DOT1L: variants seen among roughly 807,000 people sequenced by gnomAD.
DOT1L encodes DOT1 like histone lysine methyltransferase.
Under a neutral mutation model 153.3 loss-of-function variants are expected in DOT1L, and 33 were observed. The observed-to-expected ratio is 0.22, with a 90% CI of 0.16 to 0.29. DOT1L has a LOEUF of 0.29. Among genes scored for constraint, DOT1L ranks in the 10% least tolerant of loss-of-function variants. The pLI is 1.00. For synonymous variants in DOT1L, 1,135 were observed against 965.1 expected (o/e 1.18, Z -3.26); for missense variants, 1,847 against 2,119.9 (o/e 0.87, Z 2.53).
At chr19:2,210,349 G>A (rs1226403763) in intron 12 of DOT1L, 51 bp from the exon 13 acceptor site, 1 of 1,431,574 alleles carries the variant, frequency 7.0e-7, no homozygotes, top group East Asian at 2.5e-5. Context: ...GGTGCAGGAG[G>A]GCCGTGGGCA....
At chr19:2,223,093 G>C (rs1160087943) in intron 24 of DOT1L, among the ~76,000 whole-genome samples, 188 bp from the exon 25 acceptor site, 1 of 151,958 alleles carries the variant, frequency 6.6e-6, no homozygotes, top group Non-Finnish European at 1.5e-5. Flanking sequence ...GGGGGGCTCT[G>C]GGATTGCGGG....
rs185836859 is a variant in DOT1L at position 2,165,629 on chromosome 19, C to T, written c.81+1364C>T. Among the ~76,000 whole-genome samples, 703 of 152,360 alleles carry T rather than the reference C, an allele frequency of 4.6e-3. 6 individuals are homozygous for T. The highest frequency in any genetic ancestry group is 7.5e-3 in the Non-Finnish European group (509 of 68,032). On this transcript the variant is annotated intron_variant, in intron 1 of 27. Transcript: ENST00000398665. ...GAAAGTTCAAACTCCAGAACCCTTC[C>T]AGCCTCCACTTCTCTCTGTTGGGCT...
At chr19:2,203,672 G>T (rs563943665) in intron 9 of DOT1L, among the ~76,000 whole-genome samples, 1 of 152,332 alleles carries the variant, frequency 6.6e-6, no homozygotes, top group East Asian at 1.9e-4. Flanking sequence ...CTGCAGTCGA[G>T]GGTGGTACCC....
In DOT1L at chr19:2,191,396, G is replaced by A. The variant is rs747327548; in HGVS notation, c.493+156G>A. 77 of 774,394 alleles carry A rather than the reference G, an allele frequency of 9.9e-5. No homozygotes were observed. The highest frequency in any genetic ancestry group is 1.4e-4 in the Non-Finnish European group (68 of 479,330). 48.0% of individuals were successfully genotyped at this position (774,394 alleles called of 1,614,324 possible). A position where few individuals can be genotyped will look rare whatever the true frequency, so the allele number is the denominator to read the frequency against. ...AGCGCCTCTGTCCCGCTGTGGGGCC[G>A]TTCCTTTCCCCAGCCCTGACCGGGC... On this transcript the variant is annotated intron_variant, in intron 5 of 27. Coordinates refer to ENST00000398665, the MANE Select transcript of DOT1L (RefSeq NM_032482.3). This position sits in a 1 kb window ranked among gnomAD's most constrained non-coding sequence, Gnocchi z 6.8.
intron 1 of DOT1L, among the ~76,000 whole-genome samples, chr19:2,177,526 C>T (rs1187333531): frequency 6.6e-6 from 1 of 152,086 alleles, no homozygotes; most frequent in Non-Finnish European, 1.5e-5. Context: ...TTTTGTATTA[C>T]TAGTGATAGA....
intron 2 of DOT1L, among the ~76,000 whole-genome samples, chr19:2,184,283 T>G (rs1010694642): frequency 6.6e-6 from 1 of 152,114 alleles, no homozygotes; most frequent in Non-Finnish European, 1.5e-5. Flanking sequence ...TGGCCAGGTG[T>G]GCAGGCGTTG....
rs1221027665 is a variant in DOT1L at position 2,226,538 on chromosome 19, C to A, written c.4017C>A (p.His1339Gln). Residue 1339 changes from histidine to glutamine, a missense_variant, in exon 27 of 28, where the codon CAC (histidine) becomes CAA (glutamine). By Grantham distance (24) the His-to-Gln change is conservative (BLOSUM62 0). Around this residue, in one of 8 missense-constraint regions of DOT1L, gnomAD observed 934 missense variants for 825.3 expected, o/e 1.13. Coordinates refer to ENST00000398665, the MANE Select transcript of DOT1L (RefSeq NM_032482.3). The part of the protein sequence containing the change: ...HSFSDGASLP[H>Q]KGPEAAGLSS... ...TCAGTGATGGTGCTTCTCTTCCCCACAAGGGCCCCGAGGCGGCCGGCCTGA... is the reference window on the plus strand; with the variant it reads ...TCAGTGATGGTGCTTCTCTTCCCCAAAAGGGCCCCGAGGCGGCCGGCCTGA... The A allele has an allele frequency of 1.2e-6, 2 of 1,600,674 alleles. No homozygotes were observed. The highest frequency in any genetic ancestry group is 1.7e-6 in the Non-Finnish European group (2 of 1,179,594).
At chr19:2,202,048 C>T (rs1400702013) in intron 8 of DOT1L, among the ~76,000 whole-genome samples, 1 of 152,232 alleles carries the variant, frequency 6.6e-6, no homozygotes, top group East Asian at 1.9e-4. Context: ...CTTTCTGGCT[C>T]ACACCGCTCA....
Position 2,191,395 on chromosome 19 carries a change from C to G in DOT1L, c.493+155C>G. The G allele has an allele frequency of 2.6e-6, 2 of 774,446 alleles. No individual in the cohort carries two copies. Among genetic ancestry groups the G allele is most frequent in the Non-Finnish European group, 4.2e-6 (2 of 478,878 alleles). The allele number at this position is 774,446 out of a possible 1,614,324, so 48.0% of individuals were successfully genotyped here. On this transcript the variant is annotated intron_variant, in intron 5 of 27. Transcript: ENST00000398665. The surrounding 1 kb of genome is among the most constrained non-coding windows in gnomAD (Gnocchi z 6.8). The stretch of plus-strand genomic sequence containing the variant: ...CAGCGCCTCTGTCCCGCTGTGGGGC[C>G]GTTCCTTTCCCCAGCCCTGACCGGG...
chr19:2,226,133 G>GC (rs756345186), intron 26 of DOT1L, 50 bp from the exon 27 acceptor site: 10 of 1,482,072 alleles, frequency 6.7e-6, no homozygotes, highest in African/African-American at 1.4e-5. Context: ...CTCATGGGTA[G>GC]CCCGGGCAGG....
Position 2,226,821 on chromosome 19 carries a change from C to T in DOT1L, c.4300C>T (p.Pro1434Ser). 1 of 1,580,062 alleles carries T rather than the reference C, an allele frequency of 6.3e-7. No individual in the cohort carries two copies. Among genetic ancestry groups the T allele is most frequent in the Non-Finnish European group, 8.5e-7 (1 of 1,171,036 alleles). ...CCTCTTCATCTCTGCGGCGGCCGTG[C>T]CTCCCGGAAGCCTCCTCAGCGGCCC... ...HNLFISAAAVPPGSLLSGPGL... is the reference protein window; with the variant it reads ...HNLFISAAAVSPGSLLSGPGL... Residue 1434 changes from proline (P) to serine (S), a missense_variant, in exon 27 of 28, where the codon CCT (proline) becomes TCT (serine). Pro to Ser is a moderately conservative substitution (Grantham distance 74). This residue lies in a region of DOT1L where 934 missense variants were observed against 825.3 expected (regional missense o/e 1.13). Coordinates refer to ENST00000398665, the MANE Select transcript of DOT1L (RefSeq NM_032482.3).
chr19:2,211,686 C>A, intron 15 of DOT1L, 65 bp from the exon 16 acceptor site: 1 of 1,411,626 alleles, frequency 7.1e-7, no homozygotes, highest in Non-Finnish European at 9.7e-7. Flanking sequence ...TCAAGGGCTG[C>A]TCCCACCTCT....
chr19:2,172,075 A>C (rs1277076923), intron 1 of DOT1L, among the ~76,000 whole-genome samples: 1 of 152,184 alleles, frequency 6.6e-6, no homozygotes, highest in Admixed American at 6.5e-5. Context: ...GGAGGAAAGA[A>C]GGCCCTGGGA....
At position 2,189,712 on chromosome 19, in the gene DOT1L, C is replaced by G. The variant is rs1416397471; in HGVS notation, c.201-20C>G. On this transcript the variant is annotated intron_variant, in intron 3 of 27. Transcript: ENST00000398665. Reference sequence around the variant, plus strand: ...CTGGCTCCTGCCCGCATGACCAGGGCCTTCCCTTGCCTTTTTCAGCTTCGA... The same window carrying G: ...CTGGCTCCTGCCCGCATGACCAGGGGCTTCCCTTGCCTTTTTCAGCTTCGA... 6.2e-7 allele frequency: 1 copy of G among 1,608,694 alleles called. No individual in the cohort carries two copies. Among genetic ancestry groups the G allele is most frequent in the South Asian group, 1.1e-5 (1 of 91,084 alleles).
intron 1 of DOT1L, among the ~76,000 whole-genome samples, chr19:2,171,082 C>G (rs1375549330): frequency 6.6e-6 from 1 of 152,234 alleles, no homozygotes; most frequent in Non-Finnish European, 1.5e-5. Context: ...CTTCCTTCAG[C>G]CTCCTGAGTA....
At chr19:2,187,054 G>A (rs1373483958) in intron 3 of DOT1L, among the ~76,000 whole-genome samples, 2 of 152,214 alleles carry the variant, frequency 1.3e-5, no homozygotes, top group Non-Finnish European at 2.9e-5. Context: ...TCGGAGACTT[G>A]CTTGATGATT....
Position 2,226,301 on chromosome 19 carries a change from G to C in DOT1L, c.3780G>C (p.Pro1260=), listed in dbSNP as rs374581015. Residue 1260 remains proline, a synonymous_variant, in exon 27 of 28, where the codon CCG becomes CCC. Transcript: ENST00000398665. ...GCCTGGCCAAGTCGGCGGACAGCCCGCTGCAGGCCAGCTCCGCCCTCAGCC... is the reference window on the plus strand; with the variant it reads ...GCCTGGCCAAGTCGGCGGACAGCCCCCTGCAGGCCAGCTCCGCCCTCAGCC... ...DIGLAKSADS[P]LQASSALSQN... is the part of the protein sequence containing the mutation. The C allele has an allele frequency of 6.3e-6, 10 of 1,596,226 alleles. No homozygotes were observed. Among genetic ancestry groups the C allele is most frequent in the Middle Eastern group, 1.7e-4 (1 of 6,046 alleles).
rs766880117 is a variant in DOT1L, at chr19:2,223,459, G to C, written c.3569G>C (p.Gly1190Ala). The stretch of plus-strand genomic sequence containing the variant: ...CCACTCACCTCAGACGAGGAGCCAG[G>C]CTCTGAGGACGAGCCCAGCAGTGCT... ...YSPLTSDEEPGSEDEPSSARI... is the reference protein window; with the variant it reads ...YSPLTSDEEPASEDEPSSARI... The change falls in exon 25 of 28, where the codon GGC becomes GCC. Residue 1190 changes from glycine (G) to alanine (A), a missense_variant. Around this residue, in one of 8 missense-constraint regions of DOT1L, gnomAD observed 934 missense variants for 825.3 expected, o/e 1.13. Transcript: ENST00000398665. 6.2e-7 allele frequency: 1 copy of C among 1,612,614 alleles called. No individual in the cohort carries two copies. The highest frequency in any genetic ancestry group is 1.1e-5 in the South Asian group (1 of 91,056).
At chr19:2,176,175 G>A (rs762698322) in intron 1 of DOT1L, among the ~76,000 whole-genome samples, 1 of 152,128 alleles carries the variant, frequency 6.6e-6, no homozygotes, top group Non-Finnish European at 1.5e-5. Context: ...TGGCCTTTGG[G>A]ATTCAGAAAA....
Sources: gnomAD v4.1 joint callset for allele counts (sites outside exome capture counted in the v4.1 genomes callset) on GRCh38, gnomAD v4.1.1 for gene constraint, gnomAD v4.1.1 regional missense constraint, Gnocchi (gnomAD v3.1) non-coding constraint, MANE v1.5 for transcripts, NCBI Gene and HGNC (gene_info 2026-07-23, HGNC 2026-07-21) for gene names.